The following PPP2R5C variants were observed in gnomAD, a reference collection of about 807,000 sequenced individuals.
PPP2R5C encodes protein phosphatase 2 regulatory subunit B'gamma.
PPP2R5C carries 7 observed loss-of-function variants against 68.9 expected under a neutral mutation model. That is an observed-to-expected ratio of 0.10 (90% CI 0.06 to 0.19). PPP2R5C has a LOEUF of 0.19. PPP2R5C is among the 10% of genes least tolerant of loss of function. The probability of loss-of-function intolerance (pLI) is 1.00; values close to 1 mark genes in which losing one functional copy is unlikely to be tolerated. For synonymous variants in PPP2R5C, 210 were observed against 222.2 expected (o/e 0.95, Z 0.49); for missense variants, 348 against 641.3 (o/e 0.54, Z 4.94).
chr14:101,856,507 C>A (rs181952334), intron 1 of PPP2R5C, among the ~76,000 whole-genome samples, 179 bp from the exon 4 acceptor site: 2 of 152,238 alleles, frequency 1.3e-5, no homozygotes, highest in East Asian at 3.9e-4. Flanking sequence ...ATATGACCAG[C>A]GACTAGCTGG....
chr14:101,793,067 G>A (rs545068075), intron 3 of PPP2R5C, among the ~76,000 whole-genome samples: 13 of 152,014 alleles, frequency 8.6e-5, no homozygotes, highest in Non-Finnish European at 1.2e-4. Context: ...TTGTAAATAT[G>A]GGGTTTCACT....
intron 5 of PPP2R5C, among the ~76,000 whole-genome samples, chr14:101,885,739 C>T (rs1261371209): frequency 2.0e-5 from 3 of 152,164 alleles, no homozygotes; most frequent in Non-Finnish European, 4.4e-5. Context: ...ATGTCACTTT[C>T]CTAAATGTTA....
chr14:101,822,770 T>C (rs1174980038), intron 1 of PPP2R5C, among the ~76,000 whole-genome samples: 2 of 152,260 alleles, frequency 1.3e-5, no homozygotes, highest in East Asian at 1.9e-4. Context: ...CTAAATCTTA[T>C]GCGTCATTTA....
At chr14:101,834,920 A>G (rs768198939) in intron 1 of PPP2R5C, among the ~76,000 whole-genome samples, 11 of 152,162 alleles carry the variant, frequency 7.2e-5, no homozygotes, top group African/African-American at 1.7e-4. Context: ...GCCTCAGAAG[A>G]AGGTTAGAAG....
At chr14:101,900,859 A>G (rs2045643477) in intron 8 of PPP2R5C, among the ~76,000 whole-genome samples, 3 of 152,190 alleles carry the variant, frequency 2.0e-5, no homozygotes, top group South Asian at 2.1e-4. Context: ...GGTGGTGACA[A>G]TCCTGGCTAC....
intron 1 of PPP2R5C, chr14:101,838,910 G>C (rs970439934): frequency 1.3e-5 from 2 of 152,064 alleles, no homozygotes; most frequent in African/African-American, 2.4e-5. Flanking sequence ...TGGGTGTGGT[G>C]GTGGGCGCCT....
upstream of PPP2R5C, among the ~76,000 whole-genome samples, chr14:101,761,047 G>GGGGTGGTC (rs1487975630): frequency 5.9e-4 from 78 of 132,792 alleles, no homozygotes; most frequent in African/African-American, 1.7e-3. Context: ...GGGAGGGGAC[G>GGGGTGGTC]GAGGGGAGGG....
upstream of PPP2R5C, among the ~76,000 whole-genome samples, chr14:101,806,406 A>C (rs2039080798): frequency 6.6e-6 from 1 of 152,116 alleles, no homozygotes; most frequent in African/African-American, 2.4e-5. Context: ...GATGGCTTCC[A>C]GTTTCATCCA....
chr14:101,907,003 C>T (rs1466389662), intron 10 of PPP2R5C, among the ~76,000 whole-genome samples: 2 of 152,146 alleles, frequency 1.3e-5, no homozygotes, highest in African/African-American at 4.8e-5. Context: ...GAACACAGCC[C>T]CATAGTCCCA....
intron 5 of PPP2R5C, among the ~76,000 whole-genome samples, chr14:101,884,802 TG>T (rs1438881118): frequency 2.6e-5 from 4 of 152,234 alleles, no homozygotes; most frequent in African/African-American, 9.6e-5. Context: ...CTGCCTGACT[TG>T]GCGGTGGGTC....
At chr14:101,918,168 C>T (rs2141166210) in intron 13 of PPP2R5C, among the ~76,000 whole-genome samples, 1 of 152,132 alleles carries the variant, frequency 6.6e-6, no homozygotes, top group South Asian at 2.1e-4. Context: ...TGTGTATCTC[C>T]ATTTACTAAC....
At chr14:101,869,197 G>GTATA (rs1206826152) in intron 2 of PPP2R5C, among the ~76,000 whole-genome samples, 3 of 152,188 alleles carry the variant, frequency 2.0e-5, no homozygotes, top group African/African-American at 7.2e-5. Flanking sequence ...TGGATTCAGT[G>GTATA]TATAGCCTTT....
intron 2 of PPP2R5C, among the ~76,000 whole-genome samples, chr14:101,780,232 CT>C (rs2037610115): frequency 6.6e-6 from 1 of 152,190 alleles, no homozygotes; most frequent in Non-Finnish European, 1.5e-5. Flanking sequence ...CTCCCCTCCC[CT>C]CCTCCCTTTT....
chr14:101,790,485 G>A (rs1216460626), intron 3 of PPP2R5C, among the ~76,000 whole-genome samples: 1 of 152,076 alleles, frequency 6.6e-6, no homozygotes, highest in East Asian at 1.9e-4. Context: ...ACTTTCTTCC[G>A]GACACTTCAT....
At chr14:101,848,219 T>C (rs528538323) in intron 1 of PPP2R5C, among the ~76,000 whole-genome samples, 1 of 152,266 alleles carries the variant, frequency 6.6e-6, no homozygotes, top group African/African-American at 2.4e-5. Flanking sequence ...CATGACACAC[T>C]ATGTAGAGGA....
chr14:101,766,794 T>G (rs1382534931), intron 2 of PPP2R5C: 2 of 152,220 alleles, frequency 1.3e-5, no homozygotes, highest in Admixed American at 6.5e-5. Context: ...GAGACTCACT[T>G]TTGAGCATCT....
chr14:101,837,098 T>C (rs1193928444), intron 1 of PPP2R5C, among the ~76,000 whole-genome samples: 1 of 152,220 alleles, frequency 6.6e-6, no homozygotes, highest in Non-Finnish European at 1.5e-5. Flanking sequence ...GTTTGATGGC[T>C]GGAAAACAAA....
chr14:101,884,299 C>T (rs1372599716), intron 5 of PPP2R5C, among the ~76,000 whole-genome samples: 1 of 152,198 alleles, frequency 6.6e-6, no homozygotes, highest in East Asian at 1.9e-4. Flanking sequence ...GATGGGTCTG[C>T]GTCTCCCAGT....
intron 1 of PPP2R5C, among the ~76,000 whole-genome samples, chr14:101,849,441 G>T (rs191857963): frequency 6.6e-6 from 1 of 152,166 alleles, no homozygotes; most frequent in Non-Finnish European, 1.5e-5. Flanking sequence ...TGAGAGTGAC[G>T]AGCCCTTCAT....
Sources: gnomAD v4.1 joint callset for allele counts (sites outside exome capture counted in the v4.1 genomes callset) on GRCh38, gnomAD v4.1.1 for gene constraint, MANE v1.5 for transcripts, NCBI Gene and HGNC (gene_info 2026-07-23, HGNC 2026-07-21) for gene names.